TBP: variants seen among roughly 807,000 people sequenced by gnomAD.
The protein encoded by TBP is TATA-box binding protein.
In TBP, 12 loss-of-function variants were observed where a neutral mutation model predicts 46.2. The observed-to-expected ratio is 0.26, with a 90% CI of 0.17 to 0.42. TBP has a LOEUF of 0.42. Ranked by LOEUF, TBP falls within the 10% of genes least tolerant of loss-of-function variation. The probability of loss-of-function intolerance (pLI) is 1.00; values close to 1 mark genes in which losing one functional copy is unlikely to be tolerated. For missense variants in TBP, 229 were observed against 403.1 expected, an observed-to-expected ratio of 0.57 and a Z score of 3.70; for synonymous variants, 157 against 148.3, an observed-to-expected ratio of 1.06 and a Z score of -0.42.
intron 4 of TBP, among the ~76,000 whole-genome samples, chr6:170,565,622 G>A (rs751499144): frequency 6.6e-6 from 1 of 152,024 alleles, no homozygotes; most frequent in Non-Finnish European, 1.5e-5. Flanking sequence ...ATTACTTTAC[G>A]TTCTTAAGTG....
chr6:170,569,582 A>G (rs371030410), intron 5 of TBP, 30 bp from the exon 6 acceptor site: 31 of 1,599,282 alleles, frequency 1.9e-5, no homozygotes, highest in Non-Finnish European at 2.5e-5. Context: ...GGCTCTGAGT[A>G]TGAATAACTC....
chr6:170,570,892 G>C (rs891245690), intron 6 of TBP, among the ~76,000 whole-genome samples: 1 of 152,124 alleles, frequency 6.6e-6, no homozygotes, highest in African/African-American at 2.4e-5. Context: ...TCAGGTATAG[G>C]TTAATTCTCA....
At chr6:170,565,354 T>C (rs1315488119) in intron 4 of TBP, among the ~76,000 whole-genome samples, 2 of 152,232 alleles carry the variant, frequency 1.3e-5, no homozygotes, top group Non-Finnish European at 2.9e-5. Context: ...AAGAATTTTG[T>C]ATATGTATAG....
chr6:170,567,070 T>C (rs1231065187), intron 5 of TBP, 61 bp downstream of exon 5: 2 of 1,429,462 alleles, frequency 1.4e-6, no homozygotes, highest in Non-Finnish European at 1.9e-6. Context: ...TGATATCTCA[T>C]TGTTTTTAGG....
intron 2 of TBP, among the ~76,000 whole-genome samples, chr6:170,560,548 C>A (rs895330731): frequency 6.6e-6 from 1 of 152,130 alleles, no homozygotes; most frequent in East Asian, 1.9e-4. Context: ...GAATTGAAAA[C>A]CTTCTGAAAA....
intron 6 of TBP, among the ~76,000 whole-genome samples, chr6:170,569,981 C>T (rs112575731): frequency 5.9e-5 from 9 of 152,294 alleles, no homozygotes; most frequent in East Asian, 5.8e-4. Flanking sequence ...TATCACTTTG[C>T]GGTACCCATA....
intron 5 of TBP, among the ~76,000 whole-genome samples, chr6:170,567,784 G>A (rs950692619): frequency 1.9e-4 from 29 of 152,120 alleles, no homozygotes; most frequent in African/African-American, 1.2e-4. Flanking sequence ...GTTATAAAAT[G>A]TCATTGCCTA....
At chr6:170,564,355 A>G (rs1779204228) in intron 3 of TBP, among the ~76,000 whole-genome samples, 190 bp from the exon 4 acceptor site, 1 of 152,212 alleles carries the variant, frequency 6.6e-6, no homozygotes, top group Non-Finnish European at 1.5e-5. Flanking sequence ...AGTGCGTTAT[A>G]TGTATTAAAT....
intron 3 of TBP, 138 bp downstream of exon 3, chr6:170,562,371 T>G: frequency 1.0e-6 from 1 of 997,916 alleles, no homozygotes; most frequent in Non-Finnish European, 1.4e-6. Flanking sequence ...TTGCTTTATC[T>G]CACATTTGGG....
At chr6:170,569,536 T>C in intron 5 of TBP, 76 bp from the exon 6 acceptor site, 1 of 1,386,692 alleles carries the variant, frequency 7.2e-7, no homozygotes, top group Non-Finnish European at 9.8e-7. Context: ...GTTTTGGACT[T>C]TTTATAAGTT....
In TBP at chr6:170,561,866, C is replaced by T; in HGVS notation, c.130C>T (p.Gln44Ter). The change falls in exon 3 of 8, where the codon CAG becomes TAG. Residue 44 changes from glutamine (Q) to a stop codon, truncating the protein, a stop_gained. Coordinates refer to ENST00000392092, the MANE Select transcript of TBP (RefSeq NM_003194.5). LOFTEE classifies it high-confidence loss of function. ...YGTGLTPQPI[Q>*]NTNSLSILEE... ...CACTGGACTGACCCCACAGCCTATT[C>T]AGAACACCAATAGTCTGTCTATTTT... is the stretch of plus-strand genomic sequence containing the variant. The T allele has an allele frequency of 6.2e-7, 1 of 1,614,100 alleles. No individual in the cohort carries two copies. Among genetic ancestry groups the T allele is most frequent in the South Asian group, 1.1e-5 (1 of 91,080 alleles).
chr6:170,555,273 T>G (rs1022116362), intron 1 of TBP, among the ~76,000 whole-genome samples: 2 of 152,242 alleles, frequency 1.3e-5, no homozygotes. Context: ...CGTCATTATC[T>G]CTTGCCTCAA....
At chr6:170,565,255 TA>T (rs1779224061) in intron 4 of TBP, among the ~76,000 whole-genome samples, 1 of 152,248 alleles carries the variant, frequency 6.6e-6, no homozygotes, top group Admixed American at 6.5e-5. Context: ...TTGTATCTTT[TA>T]TTGAGTGTCT....
intron 5 of TBP, chr6:170,567,369 C>T (rs1779283505): frequency 6.5e-6 from 1 of 153,376 alleles, no homozygotes; most frequent in South Asian, 2.1e-4. Flanking sequence ...TCTGTAGTCC[C>T]AGCTACTTGG....
chr6:170,557,072 G>A lies in TBP; in HGVS notation c.43G>A (p.Ala15Thr). ...NSLPPYAQGLASPQGAMTPGI... is the reference protein window; with the variant it reads ...NSLPPYAQGLTSPQGAMTPGI... ...CCTGCCACCTTACGCTCAGGGCTTG[G>A]CCTCCCCTCAGGTAATATAGCAGGA... The change falls in exon 2 of 8, where the codon GCC becomes ACC. Residue 15 changes from alanine to threonine, a missense_variant. By Grantham distance (58) the Ala-to-Thr change is moderately conservative (BLOSUM62 0). Transcript: ENST00000392092. 6.2e-7 allele frequency: 1 copy of A among 1,614,142 alleles called. No homozygotes were observed. Among genetic ancestry groups the A allele is most frequent in the East Asian group, 2.2e-5 (1 of 44,878 alleles).
intron 4 of TBP, among the ~76,000 whole-genome samples, chr6:170,565,030 G>A (rs1779219195): frequency 7.6e-6 from 1 of 130,980 alleles, no homozygotes; most frequent in Middle Eastern, 3.8e-3. Context: ...GGTGGCATGC[G>A]CCTGTAATCC....
chr6:170,572,296 C>G lies in TBP; in HGVS notation c.*31C>G, dbSNP rs748211378. Reference sequence around the variant, plus strand: ...CTCATGTACCCTTGCCTCCCCCACCCCCTTCTTTTTTTTTTTTTAAACAAA... The same window carrying G: ...CTCATGTACCCTTGCCTCCCCCACCGCCTTCTTTTTTTTTTTTTAAACAAA... On this transcript the variant is annotated 3_prime_UTR_variant, in exon 8 of 8. Coordinates refer to ENST00000392092, the MANE Select transcript of TBP (RefSeq NM_003194.5). 1 of 1,531,358 alleles carries G rather than the reference C, an allele frequency of 6.5e-7. No homozygotes were observed. The allele number at this position is 1,531,358 out of a possible 1,614,324, so 94.9% of individuals were successfully genotyped here.
intron 2 of TBP, among the ~76,000 whole-genome samples, chr6:170,560,651 TCCAAC>T (rs1779123233): frequency 6.6e-6 from 1 of 152,224 alleles, no homozygotes; most frequent in African/African-American, 2.4e-5. Flanking sequence ...AGAGGTTGAT[TCCAAC>T]CCTCGTGGAT....
Position 170,572,062 on chromosome 6 carries a change from T to G in TBP, c.941-124T>G, listed in dbSNP as rs527463800. Reference sequence around the variant, plus strand: ...TCCACTATTAATGTTTTCATGCCTGTGCCTTAATCTGACTGGGTATGGTGA... The same window carrying G: ...TCCACTATTAATGTTTTCATGCCTGGGCCTTAATCTGACTGGGTATGGTGA... On this transcript the variant is annotated intron_variant, in intron 7 of 7. Coordinates refer to ENST00000392092, the MANE Select transcript of TBP (RefSeq NM_003194.5). 2.9e-4 allele frequency: 214 copies of G among 742,726 alleles called. 1 individual carries two copies. The African/African-American group carries it at 3.4e-3, about 12-fold the overall frequency. 46.0% of individuals were successfully genotyped at this position (742,726 alleles called of 1,614,324 possible).
Sources: gnomAD v4.1 joint callset for allele counts (sites outside exome capture counted in the v4.1 genomes callset) on GRCh38, gnomAD v4.1.1 for gene constraint, MANE v1.5 for transcripts, NCBI Gene and HGNC (gene_info 2026-07-23, HGNC 2026-07-21) for gene names.